TRPC4: variants seen among roughly 807,000 people sequenced by gnomAD.
The protein encoded by TRPC4 is short transient receptor potential channel 4.
In TRPC4, 49 loss-of-function variants were observed where a neutral mutation model predicts 99.4. The observed-to-expected ratio is 0.49, with a 90% CI of 0.39 to 0.63. The LOEUF (loss-of-function observed/expected upper bound fraction) is 0.63. TRPC4 is among the 20% of genes least tolerant of loss of function. The pLI is 0.00. For missense variants in TRPC4, 898 were observed against 1,152.9 expected, an observed-to-expected ratio of 0.78 and a Z score of 3.20; for synonymous variants, 454 against 425.9, an observed-to-expected ratio of 1.07 and a Z score of -0.81.
At chr13:37,854,283 T>G (rs773724039) in intron 1 of TRPC4, among the ~76,000 whole-genome samples, 1 of 152,080 alleles carries the variant, frequency 6.6e-6, no homozygotes, top group Non-Finnish European at 1.5e-5. Context: ...ATATTTACAG[T>G]GCCGAACGAA....
chr13:37,805,479 T>C (rs553482083), intron 1 of TRPC4, among the ~76,000 whole-genome samples: 92 of 151,988 alleles, frequency 6.1e-4, no homozygotes, highest in Non-Finnish European at 1.2e-3. Context: ...ATGATATAAG[T>C]CCATGTTTTC....
At chr13:37,701,160 C>T (rs186535645) in intron 3 of TRPC4, among the ~76,000 whole-genome samples, 1 of 152,044 alleles carries the variant, frequency 6.6e-6, no homozygotes, top group East Asian at 1.9e-4. Context: ...GAAAAAGGGA[C>T]AAAAAGAGTT....
intron 3 of TRPC4, among the ~76,000 whole-genome samples, chr13:37,720,371 G>T (rs1045079593): frequency 6.6e-6 from 1 of 152,118 alleles, no homozygotes; most frequent in Non-Finnish European, 1.5e-5. Flanking sequence ...GAGAATGCCA[G>T]ATACTTGCCA....
intron 1 of TRPC4, among the ~76,000 whole-genome samples, chr13:37,785,867 T>C (rs1956957546): frequency 6.6e-6 from 1 of 152,002 alleles, no homozygotes; most frequent in Non-Finnish European, 1.5e-5. Context: ...TAAAAATAAA[T>C]TAAGCTTACT....
chr13:37,831,833 G>T (rs1165112229), intron 1 of TRPC4, among the ~76,000 whole-genome samples: 1 of 152,142 alleles, frequency 6.6e-6, no homozygotes, highest in Non-Finnish European at 1.5e-5. Context: ...ACCTGAAAAA[G>T]TCAAGCTCAG....
chr13:37,697,744 C>T (rs1018757704), intron 3 of TRPC4, among the ~76,000 whole-genome samples: 2 of 152,088 alleles, frequency 1.3e-5, no homozygotes, highest in Non-Finnish European at 2.9e-5. Flanking sequence ...TTCAAATCTG[C>T]TGAATAAAAA....
chr13:37,844,979 T>C (rs1958852192), intron 1 of TRPC4, among the ~76,000 whole-genome samples: 1 of 152,152 alleles, frequency 6.6e-6, no homozygotes, highest in South Asian at 2.1e-4. Flanking sequence ...TGCAAACCTG[T>C]CTGATCAGAG....
At chr13:37,833,327 A>T (rs74331645) in intron 1 of TRPC4, among the ~76,000 whole-genome samples, 1 of 152,188 alleles carries the variant, frequency 6.6e-6, no homozygotes, top group African/African-American at 2.4e-5. Context: ...AGAAAAAAAA[A>T]TTATCTAAAA....
intron 1 of TRPC4, among the ~76,000 whole-genome samples, chr13:37,827,400 G>C (rs570909858): frequency 1.3e-5 from 2 of 152,128 alleles, no homozygotes; most frequent in Non-Finnish European, 2.9e-5. Context: ...CTATCTTGTG[G>C]TTTTATCTAC....
chr13:37,868,067 T>C (rs1459687903), intron 1 of TRPC4, among the ~76,000 whole-genome samples: 2 of 152,180 alleles, frequency 1.3e-5, no homozygotes, highest in African/African-American at 4.8e-5. Context: ...TTTGGTCTCT[T>C]ACTGGTCTAA....
At chr13:37,650,435 C>A (rs907030208) in intron 8 of TRPC4, among the ~76,000 whole-genome samples, 22 of 152,026 alleles carry the variant, frequency 1.4e-4, no homozygotes, top group Admixed American at 3.3e-4. Flanking sequence ...TATGGCTGCA[C>A]CAAAAGCTTC....
At chr13:37,729,698 C>G (rs1489872055) in intron 3 of TRPC4, among the ~76,000 whole-genome samples, 2 of 152,028 alleles carry the variant, frequency 1.3e-5, no homozygotes, top group Non-Finnish European at 2.9e-5. Context: ...CACAGATGAA[C>G]TTTGAGGACA....
At chr13:37,745,452 A>G (rs865884437) in intron 3 of TRPC4, among the ~76,000 whole-genome samples, 1 of 2,774 alleles carries the variant, frequency 3.6e-4, no homozygotes, top group Non-Finnish European at 1.9e-3. Flanking sequence ...ATATATATAT[A>G]TATATATATA....
chr13:37,783,199 A>G lies in TRPC4; in HGVS notation c.135T>C (p.Tyr45=), dbSNP rs774672672. 3 of 1,613,716 alleles carry G rather than the reference A, an allele frequency of 1.9e-6. No homozygotes were observed. The highest frequency in any genetic ancestry group is 1.3e-5 in the African/African-American group (1 of 75,026). The change falls in exon 2 of 11, where the codon TAT becomes TAC. Residue 45 remains tyrosine (Y), a synonymous_variant. Coordinates refer to ENST00000379705, the MANE Select transcript of TRPC4 (RefSeq NM_016179.4). ...AYLNAVEKGD[Y]ASVKKSLEEA... is the part of the protein sequence containing the mutation. ...CCTCTAGGGATTTCTTGACACTGGC[A>G]TAATCTCCCTTTTCCACAGCATTCA...
intron 4 of TRPC4, 90 bp from the exon 5 acceptor site, chr13:37,674,457 C>T: frequency 7.3e-7 from 1 of 1,371,014 alleles, no homozygotes; most frequent in Non-Finnish European, 9.9e-7. Flanking sequence ...GATCTCGAAG[C>T]TACAAGAGAC....
intron 1 of TRPC4, among the ~76,000 whole-genome samples, chr13:37,818,836 G>A (rs1361148764): frequency 6.6e-6 from 1 of 151,944 alleles, no homozygotes; most frequent in Non-Finnish European, 1.5e-5. Context: ...AGCATTAGGA[G>A]AAATACCTAA....
chr13:37,672,254 A>G (rs1952874913), intron 5 of TRPC4, among the ~76,000 whole-genome samples: 1 of 152,214 alleles, frequency 6.6e-6, no homozygotes, highest in Admixed American at 6.5e-5. Flanking sequence ...TAAACATCAC[A>G]CAAATGTAAT....
intron 2 of TRPC4, among the ~76,000 whole-genome samples, chr13:37,766,942 G>A (rs55875351): frequency 0.1 from 15,126 of 151,276 alleles, 1,105 homozygotes; most frequent in African/African-American, 0.21. Context: ...ACAGAAAATG[G>A]TTGTGATTGT....
chr13:37,761,008 T>C (rs1255592415), intron 2 of TRPC4, among the ~76,000 whole-genome samples: 1 of 151,988 alleles, frequency 6.6e-6, no homozygotes, highest in Non-Finnish European at 1.5e-5. Context: ...AAAAGGTATA[T>C]AGGGCACACA....
Sources: gnomAD v4.1 joint callset for allele counts (sites outside exome capture counted in the v4.1 genomes callset) on GRCh38, gnomAD v4.1.1 for gene constraint, MANE v1.5 for transcripts, NCBI Gene and HGNC (gene_info 2026-07-23, HGNC 2026-07-21) for gene names.